ATP8A2: variants seen among roughly 807,000 people sequenced by gnomAD.
The protein encoded by ATP8A2 is phospholipid-transporting ATPase IB.
In ATP8A2, 100 loss-of-function variants were observed where a neutral mutation model predicts 165.6. That is an observed-to-expected ratio of 0.60 (90% CI 0.51 to 0.71). The LOEUF (loss-of-function observed/expected upper bound fraction) is 0.71, where lower values mean the gene tolerates loss of function less well. Ranked by LOEUF, ATP8A2 falls within the 30% of genes least tolerant of loss-of-function variation. The pLI, the probability that ATP8A2 is intolerant of heterozygous loss-of-function variation, is 0.00. For synonymous variants in ATP8A2, 543 were observed against 548.8 expected (o/e 0.99, Z 0.15); for missense variants, 1,227 against 1,479.5 (o/e 0.83, Z 2.80).
intron 1 of ATP8A2, among the ~76,000 whole-genome samples, chr13:25,424,616 C>T (rs2034391334): frequency 6.6e-6 from 1 of 152,106 alleles, no homozygotes; most frequent in Admixed American, 6.5e-5. Context: ...GGTGATAAAA[C>T]ACTCCGCCAA....
chr13:25,695,971 T>C (rs1314210929), intron 24 of ATP8A2, among the ~76,000 whole-genome samples: 1 of 152,228 alleles, frequency 6.6e-6, no homozygotes, highest in East Asian at 1.9e-4. Flanking sequence ...ATCAGAGGAA[T>C]TGCTGTCTAT....
intron 24 of ATP8A2, among the ~76,000 whole-genome samples, chr13:25,662,516 T>C (rs2042071536): frequency 1.3e-5 from 2 of 152,208 alleles, no homozygotes; most frequent in South Asian, 4.1e-4. Context: ...AGAGGTCTTT[T>C]GATTTTTGGA....
intron 16 of ATP8A2, 133 bp from the exon 17 acceptor site, chr13:25,570,634 C>T: frequency 3.2e-6 from 2 of 625,594 alleles, no homozygotes; most frequent in Non-Finnish European, 2.8e-6. Flanking sequence ...ATCTGAGGTC[C>T]ATATTAAGGA....
At chr13:25,908,349 C>T (rs956256630) in intron 33 of ATP8A2, among the ~76,000 whole-genome samples, 4 of 152,210 alleles carry the variant, frequency 2.6e-5, no homozygotes, top group African/African-American at 9.6e-5. Context: ...TTCAAGTTGT[C>T]TTGTCCAGCT....
Position 25,586,209 on chromosome 13 carries a change from C to T in ATP8A2, c.2147-3426C>T, listed in dbSNP as rs529375645. On this transcript the variant is annotated intron_variant, in intron 23 of 36. Transcript: ENST00000381655. Reference sequence around the variant, plus strand: ...AGCTGAAAATCTGAGCACTTAACCACAACACACAGTGTTCATTTCTCAGAA... The same window carrying T: ...AGCTGAAAATCTGAGCACTTAACCATAACACACAGTGTTCATTTCTCAGAA... 5.9e-5 allele frequency among the ~76,000 whole-genome samples: 9 copies of T among 152,268 alleles called. No homozygotes were observed. In the South Asian group the frequency reaches 1.9e-3, roughly 32 times the overall value.
At chr13:25,738,484 A>T (rs1414824435) in intron 25 of ATP8A2, among the ~76,000 whole-genome samples, 3 of 152,232 alleles carry the variant, frequency 2.0e-5, no homozygotes, top group Non-Finnish European at 4.4e-5. Context: ...GCCAGTGGTA[A>T]ATGATAAAAA....
intron 25 of ATP8A2, among the ~76,000 whole-genome samples, chr13:25,752,799 C>G (rs1409600944): frequency 6.6e-6 from 1 of 152,154 alleles, no homozygotes; most frequent in Non-Finnish European, 1.5e-5. Flanking sequence ...TTTCCTCTAC[C>G]TCAGATTCTT....
Position 25,540,336 on chromosome 13 carries a change from G to A in ATP8A2, c.599G>A (p.Cys200Tyr), listed in dbSNP as rs1260932274. ...CTCCTTAGTGAACCTCAGGCAATGT[G>A]TTATGTTGAAACAGCTAATCTGGAT... ...LLSSSEPQAM[C>Y]YVETANLDGE... Residue 200 changes from cysteine (C) to tyrosine (Y), a missense_variant, in exon 8 of 37, where the codon TGT becomes TAT. This residue lies in a region of ATP8A2 where 356 missense variants were observed against 394.9 expected (regional missense o/e 0.90). Transcript: ENST00000381655. The A allele has an allele frequency of 2.5e-6, 4 of 1,613,890 alleles. No individual in the cohort carries two copies. Among genetic ancestry groups the A allele is most frequent in the Middle Eastern group, 1.6e-4 (1 of 6,062 alleles).
At chr13:25,647,816 G>A (rs1313046058) in intron 24 of ATP8A2, among the ~76,000 whole-genome samples, 1 of 151,882 alleles carries the variant, frequency 6.6e-6, no homozygotes, top group South Asian at 2.1e-4. Context: ...CTCCCAAGTA[G>A]CTGGGATTAC....
chr13:25,784,193 A>G (rs2138369378), intron 27 of ATP8A2, among the ~76,000 whole-genome samples: 2 of 150,172 alleles, frequency 1.3e-5, no homozygotes, highest in South Asian at 4.3e-4. Context: ...TTTAAAAAGG[A>G]GTCTTTGGAA....
At chr13:25,694,308 G>A (rs185579512) in intron 24 of ATP8A2, among the ~76,000 whole-genome samples, 164 of 152,272 alleles carry the variant, frequency 1.1e-3, no homozygotes, top group African/African-American at 3.9e-3. Context: ...TTGGATCCAC[G>A]CATAAGTCCA....
At chr13:25,623,443 A>G (rs1164568932) in intron 24 of ATP8A2, among the ~76,000 whole-genome samples, 1 of 152,028 alleles carries the variant, frequency 6.6e-6, no homozygotes, top group African/African-American at 2.4e-5. Context: ...TTTTTTTCAA[A>G]AGTTCTTCTC....
At chr13:25,895,145 C>A (rs547000798) in intron 33 of ATP8A2, among the ~76,000 whole-genome samples, 2 of 152,276 alleles carry the variant, frequency 1.3e-5, no homozygotes, top group East Asian at 3.9e-4. Flanking sequence ...AGTTTTTGTC[C>A]ATTCAGTATG....
chr13:25,980,690 C>T (rs1956156730), intron 35 of ATP8A2, among the ~76,000 whole-genome samples: 1 of 152,010 alleles, frequency 6.6e-6, no homozygotes, highest in Admixed American at 6.6e-5. Flanking sequence ...CCATAGAATC[C>T]CATTCTCAAA....
chr13:25,732,344 A>G (rs980382478), intron 25 of ATP8A2, among the ~76,000 whole-genome samples: 4 of 152,208 alleles, frequency 2.6e-5, no homozygotes, highest in African/African-American at 7.2e-5. Flanking sequence ...CTGACCAGCT[A>G]CAATCCCTGG....
chr13:25,572,123 ATCTCTC>A (rs10552616), intron 18 of ATP8A2, among the ~76,000 whole-genome samples: 60 of 149,066 alleles, frequency 4.0e-4, no homozygotes, highest in Middle Eastern at 3.5e-3. Context: ...CAGCGTTAAG[ATCTCTC>A]TCTCTCTCTC....
At chr13:25,965,224 A>G (rs564545920) in intron 34 of ATP8A2, among the ~76,000 whole-genome samples, 113 of 152,326 alleles carry the variant, frequency 7.4e-4, no homozygotes, top group Non-Finnish European at 1.4e-3. Context: ...TATTTCTGTG[A>G]GCACTGAAGA....
intron 16 of ATP8A2, among the ~76,000 whole-genome samples, chr13:25,568,926 A>T (rs2039392863): frequency 1.3e-5 from 2 of 152,146 alleles, no homozygotes; most frequent in African/African-American, 4.8e-5. Flanking sequence ...TGATAGGTTA[A>T]TTTTATTTTA....
intron 35 of ATP8A2, among the ~76,000 whole-genome samples, chr13:25,983,821 A>G (rs894349590): frequency 1.3e-5 from 2 of 152,214 alleles, no homozygotes; most frequent in African/African-American, 4.8e-5. Context: ...GAGAATGGGA[A>G]CACAATGTGA....
Sources: allele counts gnomAD v4.1 joint callset (sites outside exome capture counted in the v4.1 genomes callset), GRCh38; gene constraint gnomAD v4.1.1; regional missense constraint gnomAD v4.1.1; transcripts MANE v1.5; gene names NCBI Gene and HGNC (gene_info 2026-07-23, HGNC 2026-07-21).